The following PBX1 variants were observed in gnomAD, a reference collection of about 807,000 sequenced individuals.
PBX1 encodes PBX homeobox 1.
Under a neutral mutation model 53.4 loss-of-function variants are expected in PBX1, and 6 were observed. The observed-to-expected ratio is 0.11, with a 90% CI of 0.06 to 0.22. The LOEUF is 0.22. Ranked by LOEUF, PBX1 falls within the 10% of genes least tolerant of loss-of-function variation. The pLI is 1.00. For missense variants in PBX1, 251 were observed against 551.4 expected, an observed-to-expected ratio of 0.46 and a Z score of 5.46; for synonymous variants, 204 against 212.3, an observed-to-expected ratio of 0.96 and a Z score of 0.34.
chr1:164,801,795 A>G (rs1298112343), intron 4 of PBX1, among the ~76,000 whole-genome samples: 5 of 152,212 alleles, frequency 3.3e-5, no homozygotes, highest in African/African-American at 1.2e-4. Context: ...CGTTACTATC[A>G]TTTCATTTTG....
At chr1:164,876,012 A>G (rs1456431437) in intron 2 of PBX1, among the ~76,000 whole-genome samples, 1 of 60,824 alleles carries the variant, frequency 1.6e-5, no homozygotes, top group Non-Finnish European at 5.4e-5. Flanking sequence ...ATATACACAC[A>G]TACACCAAAT....
intron 2 of PBX1, among the ~76,000 whole-genome samples, chr1:164,566,030 G>T (rs1485328856): frequency 6.6e-6 from 1 of 152,030 alleles, no homozygotes; most frequent in Non-Finnish European, 1.5e-5. Context: ...AGAGGAACTT[G>T]GTAATTGCAT....
intron 2 of PBX1, among the ~76,000 whole-genome samples, chr1:164,613,759 T>A (rs751953027): frequency 9.2e-5 from 14 of 152,076 alleles, no homozygotes; most frequent in Non-Finnish European, 8.8e-5. Flanking sequence ...GAGAGTGTCT[T>A]GAGGTAGAAA....
chr1:164,816,546 T>C (rs1331873040), intron 6 of PBX1: 3 of 152,206 alleles, frequency 2.0e-5, no homozygotes. Context: ...TCTAGGTCTT[T>C]TGTTCTCATC....
chr1:164,649,717 C>A (rs1034945226), intron 2 of PBX1, among the ~76,000 whole-genome samples: 1 of 152,176 alleles, frequency 6.6e-6, no homozygotes, highest in Non-Finnish European at 1.5e-5. Flanking sequence ...CATTCCACCC[C>A]CTGCCAGGGA....
At chr1:164,844,856 G>C (rs1671490084) in intron 8 of PBX1, among the ~76,000 whole-genome samples, 1 of 152,170 alleles carries the variant, frequency 6.6e-6, no homozygotes, top group African/African-American at 2.4e-5. Flanking sequence ...TGTTATGAAA[G>C]AAAGAATTAT....
intron 4 of PBX1, among the ~76,000 whole-genome samples, chr1:164,801,285 G>T (rs528525046): frequency 6.6e-6 from 1 of 152,198 alleles, no homozygotes; most frequent in South Asian, 2.1e-4. Context: ...TGTCTGCCAG[G>T]CTTCTGTAAT....
At chr1:164,832,862 T>C (rs1670837077) in intron 8 of PBX1, among the ~76,000 whole-genome samples, 1 of 151,870 alleles carries the variant, frequency 6.6e-6, no homozygotes, top group Non-Finnish European at 1.5e-5. Flanking sequence ...TAAGCTAGGA[T>C]GAGTAGTTAA....
intron 2 of PBX1, among the ~76,000 whole-genome samples, chr1:164,651,326 G>A (rs755785324): frequency 1.3e-5 from 2 of 151,938 alleles, no homozygotes; most frequent in Non-Finnish European, 2.9e-5. Flanking sequence ...TTGTGCGGAC[G>A]GGGAAAGGTC....
intron 2 of PBX1, among the ~76,000 whole-genome samples, chr1:164,601,901 ACCAGAT>A (rs1557884541): frequency 6.6e-6 from 1 of 152,192 alleles, no homozygotes; most frequent in Non-Finnish European, 1.5e-5. Flanking sequence ...AGAGGTTGGA[ACCAGAT>A]CCTGGCTGAG....
intron 2 of PBX1, among the ~76,000 whole-genome samples, chr1:164,869,757 G>A (rs1425020738): frequency 6.6e-6 from 1 of 152,240 alleles, no homozygotes; most frequent in Non-Finnish European, 1.5e-5. Context: ...GGCTAGAGCA[G>A]GCAGTGGGGC....
At chr1:164,630,718 C>G (rs1658356421) in intron 2 of PBX1, among the ~76,000 whole-genome samples, 1 of 152,304 alleles carries the variant, frequency 6.6e-6, no homozygotes, top group Middle Eastern at 3.4e-3. Context: ...AAATTCAGGT[C>G]TCTGATTTCA....
Position 164,569,804 on chromosome 1 carries a change from G to A in PBX1, c.265+6493G>A, listed in dbSNP as rs1038067338. Among the ~76,000 whole-genome samples the A allele has an allele frequency of 3.9e-5, 6 of 152,034 alleles. No individual in the cohort carries two copies. The Middle Eastern group carries it at 0.014, about 345-fold the overall frequency. ...TCAAACTCCTGATCTCAAGTGATCCGCCTGCCTCGGCCTCCCAGTGCTGGT... is the reference window on the plus strand; with the variant it reads ...TCAAACTCCTGATCTCAAGTGATCCACCTGCCTCGGCCTCCCAGTGCTGGT... On this transcript the variant is annotated intron_variant, in intron 2 of 8. Transcript: ENST00000420696.
At chr1:164,756,802 T>C (rs1364632546) in intron 2 of PBX1, among the ~76,000 whole-genome samples, 1 of 152,242 alleles carries the variant, frequency 6.6e-6, no homozygotes, top group Non-Finnish European at 1.5e-5. Flanking sequence ...TCATAATGTT[T>C]GAATGGAGAA....
chr1:164,595,334 T>C (rs556163875), intron 2 of PBX1, among the ~76,000 whole-genome samples: 1 of 152,310 alleles, frequency 6.6e-6, no homozygotes, highest in African/African-American at 2.4e-5. Context: ...ATTGCTCTGG[T>C]GAGCCAAGTG....
At chr1:164,618,729 C>G (rs1392298981) in intron 2 of PBX1, among the ~76,000 whole-genome samples, 5 of 152,182 alleles carry the variant, frequency 3.3e-5, no homozygotes, top group African/African-American at 1.2e-4. Context: ...TGGTCTTTTA[C>G]ATCTCTAATA....
chr1:164,651,581 A>T (rs1442641077), intron 2 of PBX1, among the ~76,000 whole-genome samples: 1 of 152,142 alleles, frequency 6.6e-6, no homozygotes, highest in African/African-American at 2.4e-5. Flanking sequence ...TGCAGGAGAG[A>T]AGCAAGAGCA....
At chr1:164,709,458 A>C (rs372329836) in intron 2 of PBX1, among the ~76,000 whole-genome samples, 1 of 152,184 alleles carries the variant, frequency 6.6e-6, no homozygotes, top group Non-Finnish European at 1.5e-5. Flanking sequence ...TGCTGAGCCA[A>C]CTCATGAGTT....
At chr1:164,586,216 GAA>G (rs1321441775) in intron 2 of PBX1, among the ~76,000 whole-genome samples, 1 of 152,224 alleles carries the variant, frequency 6.6e-6, no homozygotes, top group African/African-American at 2.4e-5. Flanking sequence ...ATAGGAATAA[GAA>G]GAGCAAAGGG....
Sources: gnomAD v4.1 joint callset for allele counts (sites outside exome capture counted in the v4.1 genomes callset) on GRCh38, gnomAD v4.1.1 for gene constraint, MANE v1.5 for transcripts, NCBI Gene and HGNC (gene_info 2026-07-23, HGNC 2026-07-21) for gene names.